Variants in NR2C2 observed in about 807,000 individuals in gnomAD.
NR2C2 encodes Nuclear hormone receptor TR4.
Under a neutral mutation model 62.9 loss-of-function variants are expected in NR2C2, and 6 were observed. The observed-to-expected ratio is 0.10, with a 90% confidence interval of 0.05 to 0.19. The LOEUF is 0.19. Among genes scored for constraint, NR2C2 ranks in the 10% least tolerant of loss-of-function variants. NR2C2 has a pLI of 1.00. For missense variants in NR2C2, 479 were observed against 762.7 expected, an observed-to-expected ratio of 0.63 and a Z score of 4.38; for synonymous variants, 272 against 273.8, an observed-to-expected ratio of 0.99 and a Z score of 0.07.
rs1553571974 is a variant in NR2C2, at chr3:15,029,848, T to TAGATAGATATAGATAGAC, written c.933-424_933-423insTAGATATAGATAGACAGA. ...AGATAGATAGATAGATAGATATAGA[T>TAGATAGATATAGATAGAC]AGACCCCATCTCTGAAAGAGAGAAA... is the stretch of plus-strand genomic sequence containing the variant. On this transcript the variant is annotated intron_variant, in intron 8 of 13. Transcript: ENST00000425241. 6.9e-5 allele frequency among the ~76,000 whole-genome samples: 10 copies of TAGATAGATATAGATAGAC among 145,314 alleles called. 1 individual carries two copies. Among genetic ancestry groups the TAGATAGATATAGATAGAC allele is most frequent in the East Asian group, 6.1e-4 (3 of 4,880 alleles).
At chr3:15,020,193 C>T (rs2041632955) in intron 4 of NR2C2, among the ~76,000 whole-genome samples, 1 of 152,184 alleles carries the variant, frequency 6.6e-6, no homozygotes, top group Non-Finnish European at 1.5e-5. Context: ...TGGGCTTCGG[C>T]AGTGACAGTC....
At position 15,024,099 on chromosome 3, in the gene NR2C2, T is replaced by A; in HGVS notation, c.705-16T>A. On this transcript the variant is annotated splice_polypyrimidine_tract_variant and intron_variant, in intron 6 of 13. Coordinates refer to ENST00000425241, the MANE Select transcript of NR2C2 (RefSeq NM_001291694.2). ...AATGTTGGAAGCTACTCTGAGTTTCTTTATGTCTTAAATAGACAAACAGGT... is the reference window on the plus strand; with the variant it reads ...AATGTTGGAAGCTACTCTGAGTTTCATTATGTCTTAAATAGACAAACAGGT... The A allele has an allele frequency of 6.3e-7, 1 of 1,588,660 alleles. No individual in the cohort carries two copies. Among genetic ancestry groups the A allele is most frequent in the Non-Finnish European group, 8.6e-7 (1 of 1,158,364 alleles).
chr3:14,972,554 G>A (rs1458558589), intron 1 of NR2C2, among the ~76,000 whole-genome samples: 1 of 152,068 alleles, frequency 6.6e-6, no homozygotes, highest in Non-Finnish European at 1.5e-5. Context: ...TTTTTAATTG[G>A]GTAGTTTGAG....
At chr3:15,037,328 C>T (rs953425043) in intron 11 of NR2C2, among the ~76,000 whole-genome samples, 5 of 152,060 alleles carry the variant, frequency 3.3e-5, no homozygotes, top group Admixed American at 2.6e-4. Context: ...GCCTTGGCCT[C>T]CCGAAATATT....
intron 1 of NR2C2, among the ~76,000 whole-genome samples, chr3:14,971,153 C>T (rs561469715): frequency 6.6e-6 from 1 of 152,224 alleles, no homozygotes; most frequent in Non-Finnish European, 1.5e-5. Flanking sequence ...GAGTCTTGCT[C>T]TGCGCCCAGG....
chr3:15,003,533 C>G (rs959383428), intron 1 of NR2C2, among the ~76,000 whole-genome samples: 6 of 152,192 alleles, frequency 3.9e-5, no homozygotes, highest in African/African-American at 1.4e-4. Context: ...GAATGTTTTA[C>G]AGGTGGCTTT....
intron 1 of NR2C2, among the ~76,000 whole-genome samples, chr3:14,949,606 A>G (rs1022258439): frequency 1.3e-5 from 2 of 152,190 alleles, no homozygotes; most frequent in Non-Finnish European, 2.9e-5. Context: ...TCAGAAACTC[A>G]CTTTACTTCC....
In NR2C2 at chr3:15,044,076, C is replaced by T. The variant is rs1575054853; in HGVS notation, c.*1068C>T. The T allele has an allele frequency of 6.6e-6, 1 of 152,092 alleles. No individual in the cohort carries two copies. Among genetic ancestry groups the T allele is most frequent in the African/African-American group, 2.4e-5 (1 of 41,386 alleles). The allele number at this position is 152,092 out of a possible 1,614,324, so 9.4% of individuals were successfully genotyped here. Reference sequence around the variant, plus strand: ...TCCCAGGGCTTTCCACTCCAAATGCCCCCTTGAAAAGGGCTCGTGTTTCTG... The same window carrying T: ...TCCCAGGGCTTTCCACTCCAAATGCTCCCTTGAAAAGGGCTCGTGTTTCTG... On this transcript the variant is annotated 3_prime_UTR_variant, in exon 14 of 14. Coordinates refer to ENST00000425241, the MANE Select transcript of NR2C2 (RefSeq NM_001291694.2).
intron 1 of NR2C2, among the ~76,000 whole-genome samples, chr3:14,999,285 C>T (rs1211183877): frequency 6.6e-6 from 1 of 151,980 alleles, no homozygotes; most frequent in Non-Finnish European, 1.5e-5. Context: ...CATTGCACTC[C>T]AGCCTGGGCA....
At chr3:15,000,251 A>G (rs1339811960) in intron 1 of NR2C2, among the ~76,000 whole-genome samples, 1 of 152,158 alleles carries the variant, frequency 6.6e-6, no homozygotes, top group Non-Finnish European at 1.5e-5. Flanking sequence ...TCCACATTTA[A>G]GTAAGAACAT....
At chr3:14,953,684 A>C (rs1164915563) in intron 1 of NR2C2, among the ~76,000 whole-genome samples, 1 of 152,114 alleles carries the variant, frequency 6.6e-6, no homozygotes, top group African/African-American at 2.4e-5. Flanking sequence ...TCATGAGGTC[A>C]GGAGTTCAAG....
At position 15,046,565 on chromosome 3, in the gene NR2C2, C is replaced by T. The variant is rs993764808; in HGVS notation, c.*3557C>T. The T allele has an allele frequency of 2.6e-5, 4 of 152,302 alleles. No individual in the cohort carries two copies. Among genetic ancestry groups the T allele is most frequent in the Non-Finnish European group, 4.4e-5 (3 of 68,078 alleles). The allele number at this position is 152,302 out of a possible 1,614,324, so 9.4% of individuals were successfully genotyped here. ...CTCTGCAGGGCTTCCAGCCCCTGGC[C>T]GCAATCAGCAGTTCATGCCACATGT... On this transcript the variant is annotated 3_prime_UTR_variant, in exon 14 of 14. Coordinates refer to ENST00000425241, the MANE Select transcript of NR2C2 (RefSeq NM_001291694.2).
intron 1 of NR2C2, among the ~76,000 whole-genome samples, chr3:14,951,864 C>T (rs774597479): frequency 6.6e-6 from 1 of 152,132 alleles, no homozygotes; most frequent in Admixed American, 6.5e-5. Context: ...TCTTCTGCCT[C>T]CGCCTCCCCA....
At chr3:15,016,355 T>C in intron 4 of NR2C2, 101 bp downstream of exon 4, 1 of 791,716 alleles carries the variant, frequency 1.3e-6, no homozygotes, top group Non-Finnish European at 2.1e-6. Context: ...CCATTTTATG[T>C]ACGTTTGTAG....
chr3:15,039,106 A>T lies in NR2C2; in HGVS notation c.1511-16A>T. 6.4e-7 allele frequency: 1 copy of T among 1,568,416 alleles called. No homozygotes were observed. The highest frequency in any genetic ancestry group is 8.8e-7 in the Non-Finnish European group (1 of 1,142,142). ...AATACAGAGGGAACTGGGGGGGGGT[A>T]CTTTTCTGTTTTCAGATCATCCAGG... On this transcript the variant is annotated splice_polypyrimidine_tract_variant and intron_variant, in intron 12 of 13. Coordinates refer to ENST00000425241, the MANE Select transcript of NR2C2 (RefSeq NM_001291694.2).
intron 4 of NR2C2, 123 bp downstream of exon 4, chr3:15,016,377 G>C: frequency 1.5e-6 from 1 of 649,160 alleles, no homozygotes; most frequent in South Asian, 2.0e-5. Flanking sequence ...TTTCACATGT[G>C]AATTCTACTT....
intron 1 of NR2C2, chr3:14,962,526 C>T (rs1025210060): frequency 1.2e-4 from 18 of 152,448 alleles, no homozygotes; most frequent in African/African-American, 3.9e-4. Context: ...TAGCTGGCAC[C>T]CTCACTTTCG....
chr3:15,009,022 A>C (rs902098196), intron 2 of NR2C2, among the ~76,000 whole-genome samples: 1 of 152,134 alleles, frequency 6.6e-6, no homozygotes, highest in Non-Finnish European at 1.5e-5. Flanking sequence ...GGAGTTTGAG[A>C]CCAGCCTGAC....
chr3:14,949,529 A>G (rs987422866), intron 1 of NR2C2, among the ~76,000 whole-genome samples: 1 of 152,230 alleles, frequency 6.6e-6, no homozygotes, highest in African/African-American at 2.4e-5. Flanking sequence ...TCAATGTAAT[A>G]AGAAAGTCGA....
Sources: gnomAD v4.1 joint callset for allele counts (sites outside exome capture counted in the v4.1 genomes callset) on GRCh38, gnomAD v4.1.1 for gene constraint, MANE v1.5 for transcripts, NCBI Gene and HGNC (gene_info 2026-07-23, HGNC 2026-07-21) for gene names.